The following GRIK1 variants were observed in gnomAD, a reference collection of about 807,000 sequenced individuals.
The protein encoded by GRIK1 is glutamate receptor ionotropic, kainate 1.
In GRIK1, 69 loss-of-function variants were observed where a neutral mutation model predicts 105.7. The ratio of observed to expected loss-of-function variants is 0.65; its 90% CI spans 0.54 to 0.80. The LOEUF (loss-of-function observed/expected upper bound fraction) is 0.80, where lower values mean the gene tolerates loss of function less well. Among genes scored for constraint, GRIK1 ranks in the 30% least tolerant of loss-of-function variants. GRIK1 has a pLI of 0.00. For synonymous variants in GRIK1, 438 were observed against 431.3 expected, an observed-to-expected ratio of 1.02 and a Z score of -0.19; for missense variants, 1,109 against 1,167.3, an observed-to-expected ratio of 0.95 and a Z score of 0.73.
At position 29,553,704 on chromosome 21, in the gene GRIK1, C is replaced by A. The variant is rs1468020946; in HGVS notation, c.2607+1348G>T. The stretch of plus-strand genomic sequence containing the variant: ...TGCAGTCCATAAAAGAAACAAAAAG[C>A]CTTGCATGCAAAAGAAATGAGAAAA... On this transcript the variant is annotated intron_variant, in intron 16 of 17. Transcript: ENST00000327783. 1.6e-5 allele frequency: 24 copies of A among 1,542,688 alleles called. No homozygotes were observed. Among genetic ancestry groups the A allele is most frequent in the Non-Finnish European group, 1.9e-5 (22 of 1,146,284 alleles).
intron 1 of GRIK1, among the ~76,000 whole-genome samples, chr21:29,775,115 G>T (rs542942041): frequency 6.6e-6 from 1 of 152,006 alleles, no homozygotes; most frequent in Admixed American, 6.5e-5. Flanking sequence ...TCAGGAGTTT[G>T]AGACCAGCCT....
At chr21:29,899,490 G>A (rs2070311417) in intron 1 of GRIK1, among the ~76,000 whole-genome samples, 1 of 151,046 alleles carries the variant, frequency 6.6e-6, no homozygotes, top group African/African-American at 2.4e-5. Flanking sequence ...TCTTGTCATA[G>A]TCATGTAAGG....
At chr21:29,882,145 G>A (rs2069437222) in intron 1 of GRIK1, among the ~76,000 whole-genome samples, 1 of 151,972 alleles carries the variant, frequency 6.6e-6, no homozygotes. Flanking sequence ...GGCCATAACA[G>A]GCATTTGTTG....
At chr21:29,900,825 C>T (rs1222513988) in intron 1 of GRIK1, among the ~76,000 whole-genome samples, 1 of 152,158 alleles carries the variant, frequency 6.6e-6, no homozygotes, top group African/African-American at 2.4e-5. Flanking sequence ...CCCAAATCAG[C>T]AAAATATATA....
chr21:29,794,061 T>G (rs1246200670), intron 1 of GRIK1, among the ~76,000 whole-genome samples: 1 of 152,102 alleles, frequency 6.6e-6, no homozygotes, highest in African/African-American at 2.4e-5. Flanking sequence ...GGACTGTGTT[T>G]TCATAGTCCA....
intron 9 of GRIK1, among the ~76,000 whole-genome samples, chr21:29,592,530 A>T (rs1161946293): frequency 6.6e-6 from 1 of 152,184 alleles, no homozygotes; most frequent in Non-Finnish European, 1.5e-5. Context: ...TTCTGTAGGC[A>T]TTTACTGCCA....
chr21:29,573,853 G>GAAAAA lies in GRIK1; in HGVS notation c.2130+3106_2130+3110dup, dbSNP rs35503363. Among the ~76,000 whole-genome samples the GAAAAA allele has an allele frequency of 9.9e-3, 1,131 of 114,042 alleles. 14 individuals are homozygous for GAAAAA. Among genetic ancestry groups the GAAAAA allele is most frequent in the African/African-American group, 0.034 (1,085 of 32,284 alleles). 74.8% of individuals were successfully genotyped at this position (114,042 alleles called of 152,430 possible). A position where few individuals can be genotyped will look rare whatever the true frequency, so the allele number is the denominator to read the frequency against. On this transcript the variant is annotated intron_variant, in intron 14 of 17. Coordinates refer to ENST00000327783, the MANE Select transcript of GRIK1 (RefSeq NM_001330994.2). ...GGGCGACAGAGCAAGACTCCGTCTGGAAAAAAAAAAAAAAAAAAAGTGACA... is the reference window on the plus strand; with the variant it reads ...GGGCGACAGAGCAAGACTCCGTCTGGAAAAAAAAAAAAAAAAAAAAAAAAGTGACA...
At chr21:29,660,901 G>A (rs2062950224) in intron 4 of GRIK1, among the ~76,000 whole-genome samples, 1 of 152,176 alleles carries the variant, frequency 6.6e-6, no homozygotes, top group Non-Finnish European at 1.5e-5. Context: ...TTTTGGCACA[G>A]GAGTCTTCAG....
intron 1 of GRIK1, among the ~76,000 whole-genome samples, chr21:29,853,665 C>G (rs571748074): frequency 6.6e-6 from 1 of 152,278 alleles, no homozygotes; most frequent in East Asian, 1.9e-4. Context: ...CTGATTTCCT[C>G]CATTTATTAG....
At chr21:29,923,875 G>T (rs1398800971) in intron 1 of GRIK1, among the ~76,000 whole-genome samples, 1 of 152,186 alleles carries the variant, frequency 6.6e-6, no homozygotes, top group Non-Finnish European at 1.5e-5. Context: ...GGATAGAAAA[G>T]ATTTAAGCTT....
intron 3 of GRIK1, among the ~76,000 whole-genome samples, chr21:29,682,750 A>C (rs1271800713): frequency 2.0e-5 from 3 of 152,212 alleles, no homozygotes; most frequent in South Asian, 2.1e-4. Context: ...AGTTCTCAAG[A>C]GAAATTGCAA....
chr21:29,806,120 G>T (rs954442196), intron 1 of GRIK1, among the ~76,000 whole-genome samples: 1 of 151,930 alleles, frequency 6.6e-6, no homozygotes. Flanking sequence ...ATTTTATAAG[G>T]TATCCCACTA....
intron 1 of GRIK1, among the ~76,000 whole-genome samples, chr21:29,735,056 A>T (rs976128581): frequency 6.6e-6 from 1 of 151,752 alleles, no homozygotes; most frequent in African/African-American, 2.4e-5. Context: ...CTTTCCCCAT[A>T]CTCTACATCT....
At chr21:29,903,898 G>C (rs1271360742) in intron 1 of GRIK1, among the ~76,000 whole-genome samples, 1 of 152,140 alleles carries the variant, frequency 6.6e-6, no homozygotes, top group Non-Finnish European at 1.5e-5. Flanking sequence ...TGATAAACTG[G>C]ATCAAGAAAA....
intron 1 of GRIK1, among the ~76,000 whole-genome samples, chr21:29,931,111 G>A (rs1001197759): frequency 1.2e-4 from 18 of 152,256 alleles, no homozygotes; most frequent in Admixed American, 2.6e-4. Context: ...ATGGTACAGC[G>A]TTAAAATTAA....
chr21:29,656,624 A>G (rs2062859767), intron 4 of GRIK1, among the ~76,000 whole-genome samples: 1 of 152,202 alleles, frequency 6.6e-6, no homozygotes, highest in African/African-American at 2.4e-5. Flanking sequence ...TTTGCATTAA[A>G]TAACAAAGAC....
At chr21:29,837,860 T>A (rs1366396042) in intron 1 of GRIK1, among the ~76,000 whole-genome samples, 2 of 152,146 alleles carry the variant, frequency 1.3e-5, no homozygotes, top group Non-Finnish European at 1.5e-5. Context: ...GCCCCGAGTG[T>A]GGAGAAGCCC....
chr21:29,924,775 T>C (rs1429341786), intron 1 of GRIK1, among the ~76,000 whole-genome samples: 1 of 152,208 alleles, frequency 6.6e-6, no homozygotes, highest in African/African-American at 2.4e-5. Context: ...AGAGGTGAGG[T>C]GGTCTTCTAT....
chr21:29,537,314 C>A lies in GRIK1; in HGVS notation c.2766G>T (p.Lys922Asn). The A allele has an allele frequency of 6.2e-7, 1 of 1,611,154 alleles. No individual in the cohort carries two copies. ...AGGAAGATTTCCCCTTAGTTCTTGA[C>A]TTTTTCTTTATTTTTTTCTGATTCT... ...SLKNQKKIKK[K>N]SRTKGKSSFT... is the part of the protein sequence containing the mutation. Residue 922 changes from lysine to asparagine, a missense_variant, in exon 18 of 18, where the codon AAG (lysine) becomes AAT (asparagine). By Grantham distance (94) the Lys-to-Asn change is moderately conservative (BLOSUM62 0). Around this residue, in one of 5 missense-constraint regions of GRIK1, gnomAD observed 161 missense variants for 143.4 expected, o/e 1.12. Transcript: ENST00000327783.
Sources: allele counts gnomAD v4.1 joint callset (sites outside exome capture counted in the v4.1 genomes callset), GRCh38; gene constraint gnomAD v4.1.1; regional missense constraint gnomAD v4.1.1; transcripts MANE v1.5; gene names NCBI Gene and HGNC (gene_info 2026-07-23, HGNC 2026-07-21).